FILIP1L: variants seen among roughly 807,000 people sequenced by gnomAD.
FILIP1L encodes the protein filamin A-interacting protein 1-like.
FILIP1L carries 55 observed loss-of-function variants against 96.6 expected under a neutral mutation model. The ratio of observed to expected loss-of-function variants is 0.57; its 90% CI spans 0.46 to 0.71. The LOEUF (loss-of-function observed/expected upper bound fraction) is 0.71. Ranked by LOEUF, FILIP1L falls within the 30% of genes least tolerant of loss-of-function variation. The pLI is 0.00. For synonymous variants in FILIP1L, 467 were observed against 473.9 expected (o/e 0.99, Z 0.19); for missense variants, 1,304 against 1,321.2 (o/e 0.99, Z 0.20).
At chr3:100,110,058 C>CA (rs1275345788) in intron 1 of FILIP1L, 10 of 151,830 alleles carry the variant, frequency 6.6e-5, no homozygotes, top group African/African-American at 1.7e-4. Flanking sequence ...GAAGATAAAT[C>CA]AAGTCACTAA....
intron 1 of FILIP1L, among the ~76,000 whole-genome samples, chr3:100,034,081 A>T (rs945458667): frequency 6.6e-6 from 1 of 152,210 alleles, no homozygotes; most frequent in Non-Finnish European, 1.5e-5. Flanking sequence ...CCGTTAATAC[A>T]CTTAAGAAAA....
At chr3:99,971,530 A>G (rs554321952) in intron 1 of FILIP1L, among the ~76,000 whole-genome samples, 1 of 152,300 alleles carries the variant, frequency 6.6e-6, no homozygotes, top group South Asian at 2.1e-4. Flanking sequence ...AGATGAAAAT[A>G]TGTTAGTATT....
chr3:100,038,692 T>C (rs1432310009), intron 1 of FILIP1L, among the ~76,000 whole-genome samples: 1 of 152,148 alleles, frequency 6.6e-6, no homozygotes, highest in African/African-American at 2.4e-5. Context: ...AAGGACACGA[T>C]CTCAGTCCAT....
chr3:99,998,859 G>A (rs1020727493), intron 1 of FILIP1L, among the ~76,000 whole-genome samples: 5 of 152,232 alleles, frequency 3.3e-5, no homozygotes, highest in South Asian at 2.1e-4. Context: ...GTGAGCCACC[G>A]CGCCCGGCCA....
intron 1 of FILIP1L, among the ~76,000 whole-genome samples, chr3:100,006,128 A>G (rs1236775498): frequency 5.9e-5 from 9 of 152,146 alleles, no homozygotes; most frequent in Admixed American, 5.9e-4. Flanking sequence ...TTGCAGTTAT[A>G]AAACTCTGTG....
chr3:99,851,744 C>T (rs1943707903), intron 4 of FILIP1L, among the ~76,000 whole-genome samples: 2 of 152,130 alleles, frequency 1.3e-5, no homozygotes, highest in Admixed American at 1.3e-4. Context: ...AGTCACATTG[C>T]TTAGAAGTTA....
chr3:99,852,515 G>A (rs772621550), intron 4 of FILIP1L, among the ~76,000 whole-genome samples: 4 of 151,966 alleles, frequency 2.6e-5, no homozygotes, highest in Non-Finnish European at 4.4e-5. Context: ...GGGCGATCTC[G>A]ACTCACTGCA....
rs1942599300 is a variant in FILIP1L, at chr3:99,829,252, C to G, written c.*1162G>C. ...GATTTTTTTCCCCCCTCGATTGAAG[C>G]TTTTTGAAATGTTTTTTGAACTGCC... On this transcript the variant is annotated 3_prime_UTR_variant, in exon 6 of 6. Transcript: ENST00000477258. Among the ~76,000 whole-genome samples, 1 of 152,024 alleles carries G rather than the reference C, an allele frequency of 6.6e-6. No homozygotes were observed. Among genetic ancestry groups the G allele is most frequent in the Admixed American group, 6.6e-5 (1 of 15,266 alleles).
chr3:100,086,959 A>G (rs1336292476), intron 1 of FILIP1L, among the ~76,000 whole-genome samples: 1 of 152,130 alleles, frequency 6.6e-6, no homozygotes, highest in African/African-American at 2.4e-5. Context: ...GAATCACAGT[A>G]TTTTGAATCT....
chr3:99,879,152 T>A (rs1193510490), intron 4 of FILIP1L, among the ~76,000 whole-genome samples: 1 of 152,236 alleles, frequency 6.6e-6, no homozygotes, highest in Non-Finnish European at 1.5e-5. Context: ...ATGATCTAAA[T>A]CAGCACTAGC....
At chr3:99,909,898 A>G (rs1394656994) in intron 4 of FILIP1L, among the ~76,000 whole-genome samples, 2 of 152,108 alleles carry the variant, frequency 1.3e-5, no homozygotes, top group Admixed American at 6.5e-5. Context: ...TGAACCCTTC[A>G]TATTCAGAGT....
At chr3:99,882,604 A>C (rs192249827) in intron 4 of FILIP1L, among the ~76,000 whole-genome samples, 1 of 152,236 alleles carries the variant, frequency 6.6e-6, no homozygotes, top group Non-Finnish European at 1.5e-5. Context: ...AATAGATGAG[A>C]TAACTGGAGC....
At chr3:100,093,483 A>G in intron 1 of FILIP1L, among the ~76,000 whole-genome samples, 1 of 152,212 alleles carries the variant, frequency 6.6e-6, no homozygotes, top group East Asian at 1.9e-4. Context: ...TTTTTTAAGT[A>G]AACTTTTTAC....
At chr3:100,070,289 T>A (rs2065739647) in intron 1 of FILIP1L, among the ~76,000 whole-genome samples, 1 of 152,218 alleles carries the variant, frequency 6.6e-6, no homozygotes, top group Admixed American at 6.5e-5. Context: ...TGGGGAAAAT[T>A]GATCACCATA....
At chr3:100,054,777 C>T (rs2065436213) in intron 1 of FILIP1L, among the ~76,000 whole-genome samples, 2 of 152,332 alleles carry the variant, frequency 1.3e-5, no homozygotes, top group African/African-American at 2.4e-5. Context: ...ACTTCTATCA[C>T]AATGCCTCTG....
At position 99,938,050 on chromosome 3, in the gene FILIP1L, AGTGTGT is replaced by A. The variant is rs71625545; in HGVS notation, c.-10-7026_-10-7021del. 4.7e-5 allele frequency among the ~76,000 whole-genome samples: 7 copies of A among 149,002 alleles called. No individual in the cohort carries two copies. In the East Asian group the frequency reaches 6.0e-4, roughly 13 times the overall value. ...ACTGGTGCCTGCAAAAGGCTCAGGA[AGTGTGT>A]GTGTGTGTGTGTGTGTGTGCGCGCG... On this transcript the variant is annotated intron_variant, in intron 1 of 5. Coordinates refer to ENST00000477258, the MANE Select transcript of FILIP1L (RefSeq NM_001387850.1).
chr3:100,053,113 C>T (rs2065401427), intron 1 of FILIP1L, among the ~76,000 whole-genome samples: 1 of 152,102 alleles, frequency 6.6e-6, no homozygotes, highest in East Asian at 1.9e-4. Flanking sequence ...TCTCTTAAAC[C>T]CTATATATTG....
At chr3:100,113,572 A>G (rs1019189933) in intron 1 of FILIP1L, among the ~76,000 whole-genome samples, 1 of 152,262 alleles carries the variant, frequency 6.6e-6, no homozygotes, top group Non-Finnish European at 1.5e-5. Flanking sequence ...AGTTTCTTCC[A>G]TTAATCTTTC....
At chr3:99,917,834 C>T (rs990642906) in intron 4 of FILIP1L, among the ~76,000 whole-genome samples, 3 of 152,170 alleles carry the variant, frequency 2.0e-5, no homozygotes, top group African/African-American at 7.2e-5. Context: ...TCACTGACCT[C>T]TTTTGGTAGT....
Sources: allele counts gnomAD v4.1 joint callset (sites outside exome capture counted in the v4.1 genomes callset), GRCh38; gene constraint gnomAD v4.1.1; transcripts MANE v1.5; gene names NCBI Gene and HGNC (gene_info 2026-07-23, HGNC 2026-07-21).